CCDC178: variants seen among roughly 807,000 people sequenced by gnomAD.
CCDC178 encodes coiled-coil domain-containing protein 178.
In CCDC178, 126 loss-of-function variants were observed where a neutral mutation model predicts 117.4. The ratio of observed to expected loss-of-function variants is 1.07; its 90% CI spans 0.93 to 1.24. The LOEUF (loss-of-function observed/expected upper bound fraction) is 1.24, where lower values mean the gene tolerates loss of function less well. CCDC178 is among the 50% of genes most tolerant of loss of function. The pLI, the probability that CCDC178 is intolerant of heterozygous loss-of-function variation, is 0.00. For missense variants in CCDC178, 1,030 were observed against 986.9 expected (o/e 1.04, Z -0.59); for synonymous variants, 283 against 313.4 (o/e 0.90, Z 1.02).
At chr18:33,049,897 C>T (rs1185109243) in intron 21 of CCDC178, among the ~76,000 whole-genome samples, 1 of 151,170 alleles carries the variant, frequency 6.6e-6, no homozygotes, top group Admixed American at 6.6e-5. Context: ...GCCTGGCCAA[C>T]ATGGTGAAAC....
intron 14 of CCDC178, among the ~76,000 whole-genome samples, chr18:33,265,959 T>C (rs1461258265): frequency 1.3e-5 from 2 of 151,968 alleles, no homozygotes; most frequent in African/African-American, 4.8e-5. Flanking sequence ...ATCCATTAAA[T>C]ATGAGAGTTG....
At chr18:33,265,696 G>C (rs917081730) in intron 14 of CCDC178, among the ~76,000 whole-genome samples, 4 of 151,898 alleles carry the variant, frequency 2.6e-5, no homozygotes, top group African/African-American at 9.7e-5. Context: ...ATGTGGTGGG[G>C]GGTCTTTGGT....
chr18:33,060,630 T>C (rs532476530), intron 21 of CCDC178, among the ~76,000 whole-genome samples: 2 of 152,226 alleles, frequency 1.3e-5, no homozygotes, highest in Non-Finnish European at 2.9e-5. Context: ...TTCCCGCTAT[T>C]GGTGAATACA....
At chr18:33,429,401 G>A (rs566015692) in intron 2 of CCDC178, among the ~76,000 whole-genome samples, 45 of 151,716 alleles carry the variant, frequency 3.0e-4, no homozygotes, top group African/African-American at 8.9e-4. Flanking sequence ...AGCAAGCAAG[G>A]GACAAAAGTC....
intron 7 of CCDC178, among the ~76,000 whole-genome samples, chr18:33,351,166 G>GTA (rs902640951): frequency 6.6e-6 from 1 of 151,288 alleles, no homozygotes; most frequent in African/African-American, 2.4e-5. Context: ...GTGTGTGTGT[G>GTA]TGTGTGTGTG....
At chr18:33,061,130 T>C (rs1243171823) in intron 21 of CCDC178, among the ~76,000 whole-genome samples, 1 of 152,124 alleles carries the variant, frequency 6.6e-6, no homozygotes, top group Non-Finnish European at 1.5e-5. Context: ...AAGATGTAGA[T>C]ATAATTTTTA....
chr18:33,426,722 CT>C (rs2064130225), intron 2 of CCDC178, among the ~76,000 whole-genome samples: 1 of 152,148 alleles, frequency 6.6e-6, no homozygotes, highest in Admixed American at 6.5e-5. Flanking sequence ...CACTTACAGT[CT>C]CTTGAATAAT....
intron 20 of CCDC178, among the ~76,000 whole-genome samples, chr18:33,174,038 T>C (rs1482883046): frequency 1.3e-5 from 2 of 152,176 alleles, no homozygotes; most frequent in East Asian, 3.9e-4. Context: ...AGAGATGTAA[T>C]TGGCTCACGG....
chr18:33,311,979 G>A (rs2144956149), intron 11 of CCDC178, among the ~76,000 whole-genome samples: 2 of 152,250 alleles, frequency 1.3e-5, no homozygotes, highest in East Asian at 3.9e-4. Flanking sequence ...GCACTAAAAG[G>A]GATAGTCCTA....
At chr18:33,188,618 C>T (rs966275741) in intron 20 of CCDC178, among the ~76,000 whole-genome samples, 1 of 152,106 alleles carries the variant, frequency 6.6e-6, no homozygotes, top group African/African-American at 2.4e-5. Context: ...CTAAGAGTGG[C>T]CATGGGCAAT....
At chr18:32,992,966 G>A (rs1303271423) in intron 21 of CCDC178, among the ~76,000 whole-genome samples, 1 of 152,104 alleles carries the variant, frequency 6.6e-6, no homozygotes, top group Admixed American at 6.5e-5. Context: ...AGGAGTTCGA[G>A]ACCAGCCTGG....
chr18:33,069,626 T>C lies in CCDC178; in HGVS notation c.2388+23135A>G, dbSNP rs191591551. ...GACATTGATCTAGGCAAAGATTTTA[T>C]GGCTAACACTTCAAAAGTACAGGCA... On this transcript the variant is annotated intron_variant, in intron 21 of 22. Coordinates refer to ENST00000383096, the MANE Select transcript of CCDC178 (RefSeq NM_001105528.4). 2.2e-4 allele frequency among the ~76,000 whole-genome samples: 34 copies of C among 152,248 alleles called. No homozygotes were observed. In the East Asian group the frequency reaches 5.8e-3, roughly 26 times the overall value.
chr18:33,317,254 G>A lies in CCDC178; in HGVS notation c.1022+6237C>T, dbSNP rs567405954. Among the ~76,000 whole-genome samples, 188 of 152,144 alleles carry A rather than the reference G, an allele frequency of 1.2e-3. 4 individuals carry two copies. The highest frequency in any genetic ancestry group is 7.1e-4 in the Non-Finnish European group (48 of 67,994). On this transcript the variant is annotated intron_variant, in intron 11 of 22. Coordinates refer to ENST00000383096, the MANE Select transcript of CCDC178 (RefSeq NM_001105528.4). ...TCACTCCTGAAGCCAACGAGACCAC[G>A]AACCCACCAGGAGGAATGAACAACT... is the stretch of plus-strand genomic sequence containing the variant.
At chr18:33,017,763 G>GA (rs1224554189) in intron 21 of CCDC178, among the ~76,000 whole-genome samples, 3 of 151,848 alleles carry the variant, frequency 2.0e-5, no homozygotes, top group African/African-American at 7.2e-5. Context: ...GAATAGAATT[G>GA]AAAGTCCAGA....
At chr18:33,258,088 AT>A (rs2059701057) in intron 14 of CCDC178, among the ~76,000 whole-genome samples, 1 of 132,554 alleles carries the variant, frequency 7.5e-6, no homozygotes, top group Non-Finnish European at 1.6e-5. Flanking sequence ...TAATTATTAT[AT>A]TTTTTTGAAT....
At chr18:33,140,330 G>A (rs1359323320) in intron 20 of CCDC178, among the ~76,000 whole-genome samples, 1 of 152,058 alleles carries the variant, frequency 6.6e-6, no homozygotes, top group Non-Finnish European at 1.5e-5. Context: ...CAGAATTATA[G>A]ATCCACCAAC....
chr18:33,434,323 G>T (rs974365296), intron 2 of CCDC178, among the ~76,000 whole-genome samples: 1 of 152,092 alleles, frequency 6.6e-6, no homozygotes, highest in Non-Finnish European at 1.5e-5. Context: ...TTATTACAAA[G>T]AAATTACGCC....
At chr18:33,139,062 G>A (rs2058164785) in intron 20 of CCDC178, among the ~76,000 whole-genome samples, 3 of 152,190 alleles carry the variant, frequency 2.0e-5, no homozygotes, top group Admixed American at 6.5e-5. Flanking sequence ...TTCCTGTGCT[G>A]TTCTTGTAAT....
At chr18:32,955,866 C>A (rs1211057346) in intron 22 of CCDC178, among the ~76,000 whole-genome samples, 1 of 152,168 alleles carries the variant, frequency 6.6e-6, no homozygotes, top group African/African-American at 2.4e-5. Flanking sequence ...TATTCCAGAA[C>A]AGGTACTACT....
Sources: allele counts gnomAD v4.1 joint callset (sites outside exome capture counted in the v4.1 genomes callset), GRCh38; gene constraint gnomAD v4.1.1; transcripts MANE v1.5; gene names NCBI Gene and HGNC (gene_info 2026-07-23, HGNC 2026-07-21).